NCKAP5: variants seen among roughly 807,000 people sequenced by gnomAD.
The protein encoded by NCKAP5 is NCK associated protein 5.
NCKAP5 carries 92 observed loss-of-function variants against 167.0 expected under a neutral mutation model. That is an observed-to-expected ratio of 0.55 (90% CI 0.47 to 0.66). NCKAP5 has a LOEUF of 0.66. NCKAP5 is among the 30% of genes least tolerant of loss of function. NCKAP5 has a pLI of 0.00. For missense variants in NCKAP5, 2,378 were observed against 2,315.0 expected, an observed-to-expected ratio of 1.03 and a Z score of -0.56; for synonymous variants, 891 against 877.4, an observed-to-expected ratio of 1.02 and a Z score of -0.27.
At chr2:133,409,195 TC>T in intron 3 of NCKAP5, among the ~76,000 whole-genome samples, 1 of 152,256 alleles carries the variant, frequency 6.6e-6, no homozygotes, top group East Asian at 1.9e-4. Context: ...AGACCAGATT[TC>T]CCTACACATA....
At chr2:133,309,402 T>C (rs1300447458) in intron 3 of NCKAP5, among the ~76,000 whole-genome samples, 1 of 152,180 alleles carries the variant, frequency 6.6e-6, no homozygotes, top group Non-Finnish European at 1.5e-5. Flanking sequence ...TTTGAAACAA[T>C]GAACCCCCCT....
At chr2:133,352,391 A>C (rs539227839) in intron 3 of NCKAP5, among the ~76,000 whole-genome samples, 1 of 152,364 alleles carries the variant, frequency 6.6e-6, no homozygotes, top group Admixed American at 6.5e-5. Context: ...ATGAATACAC[A>C]AAAGAATAAA....
At chr2:133,569,342 C>T (rs1036890392), upstream of NCKAP5, among the ~76,000 whole-genome samples, 4 of 152,132 alleles carry the variant, frequency 2.6e-5, no homozygotes, top group East Asian at 7.7e-4. Flanking sequence ...TGCCACGAAG[C>T]GCGAACACTC....
chr2:133,071,316 G>A (rs1430835867), intron 6 of NCKAP5, among the ~76,000 whole-genome samples: 3 of 151,760 alleles, frequency 2.0e-5, no homozygotes, highest in Non-Finnish European at 4.4e-5. Context: ...GTAGTGGCGG[G>A]CGCCTGTAGT....
intron 8 of NCKAP5, among the ~76,000 whole-genome samples, chr2:132,936,715 A>G (rs1455635105): frequency 2.0e-5 from 3 of 152,090 alleles, no homozygotes; most frequent in Non-Finnish European, 4.4e-5. Flanking sequence ...AAAGATACAC[A>G]CAAATGTGCT....
At chr2:133,378,028 G>A (rs949926586) in intron 3 of NCKAP5, among the ~76,000 whole-genome samples, 3 of 152,084 alleles carry the variant, frequency 2.0e-5, no homozygotes, top group Non-Finnish European at 2.9e-5. Flanking sequence ...ATGAACCACC[G>A]GCTTTTTGGA....
At chr2:132,977,570 CCA>C (rs2077012984) in intron 7 of NCKAP5, among the ~76,000 whole-genome samples, 1 of 152,136 alleles carries the variant, frequency 6.6e-6, no homozygotes, top group Non-Finnish European at 1.5e-5. Context: ...TCTATTCCTC[CCA>C]CCTTCTTCCA....
chr2:132,896,607 T>C (rs140927344), intron 8 of NCKAP5, among the ~76,000 whole-genome samples: 262 of 152,324 alleles, frequency 1.7e-3, no homozygotes, highest in African/African-American at 6.1e-3. Flanking sequence ...ACATGTAGAC[T>C]GAGAAGCTGG....
intron 19 of NCKAP5, among the ~76,000 whole-genome samples, chr2:132,713,706 G>C (rs1200291294): frequency 1.1e-5 from 1 of 90,958 alleles, no homozygotes; most frequent in African/African-American, 4.2e-5. Context: ...AGACAGAAAG[G>C]GCCAAACAAA....
At chr2:133,242,068 G>A (rs1296023547) in intron 4 of NCKAP5, among the ~76,000 whole-genome samples, 1 of 138,768 alleles carries the variant, frequency 7.2e-6, no homozygotes, top group African/African-American at 2.8e-5. Flanking sequence ...GCGTTGAGCC[G>A]AGATCACACT....
chr2:132,741,724 C>G (rs1446359165), intron 16 of NCKAP5, among the ~76,000 whole-genome samples: 1 of 152,094 alleles, frequency 6.6e-6, no homozygotes, highest in Non-Finnish European at 1.5e-5. Flanking sequence ...AATGTAGAAT[C>G]ACAATGGCTC....
intron 8 of NCKAP5, among the ~76,000 whole-genome samples, chr2:132,908,930 C>G (rs978041976): frequency 2.0e-5 from 3 of 152,224 alleles, no homozygotes; most frequent in African/African-American, 4.8e-5. Context: ...GATCAGCCAA[C>G]ACACATTTCT....
intron 3 of NCKAP5, among the ~76,000 whole-genome samples, chr2:133,503,200 C>T (rs1682693196): frequency 6.6e-6 from 1 of 152,184 alleles, no homozygotes; most frequent in African/African-American, 2.4e-5. Flanking sequence ...TTCATTTCTT[C>T]CTTTACTCAG....
chr2:133,193,213 T>C (rs992277529), intron 5 of NCKAP5, among the ~76,000 whole-genome samples: 8 of 151,978 alleles, frequency 5.3e-5, no homozygotes, highest in African/African-American at 1.9e-4. Flanking sequence ...GATAGAAATG[T>C]GGGAATAGAT....
intron 3 of NCKAP5, among the ~76,000 whole-genome samples, chr2:133,515,624 A>G (rs768508755): frequency 1.3e-5 from 2 of 152,266 alleles, no homozygotes; most frequent in Non-Finnish European, 2.9e-5. Flanking sequence ...GCCATATGCC[A>G]GAAAGAATGC....
intron 6 of NCKAP5, among the ~76,000 whole-genome samples, chr2:133,091,656 G>A (rs2081188599): frequency 6.6e-6 from 1 of 152,132 alleles, no homozygotes; most frequent in Admixed American, 6.5e-5. Flanking sequence ...GGGAGGCCGA[G>A]GTGGGCAGAC....
chr2:132,712,508 C>A (rs372209833), intron 19 of NCKAP5, among the ~76,000 whole-genome samples: 1 of 152,018 alleles, frequency 6.6e-6, no homozygotes. Context: ...AAAAATTAGC[C>A]GGGTGTAGAG....
Position 132,790,215 on chromosome 2 carries a change from C to T in NCKAP5, c.910-10G>A. 1 of 1,606,954 alleles carries T rather than the reference C, an allele frequency of 6.2e-7. No homozygotes were observed. On this transcript the variant is annotated splice_polypyrimidine_tract_variant and intron_variant, in intron 12 of 19. Transcript: ENST00000409261. ...TATTTAGTTGGTGTTCCTGAAAAAG[C>T]AGGACAGCTCTGAGCAAGGGCTTTG...
intron 7 of NCKAP5, among the ~76,000 whole-genome samples, chr2:132,966,440 G>T (rs2076669937): frequency 6.6e-6 from 1 of 152,118 alleles, no homozygotes; most frequent in African/African-American, 2.4e-5. Context: ...TGATGTCTTT[G>T]TCTCCTAAAC....
Sources: allele counts gnomAD v4.1 joint callset (sites outside exome capture counted in the v4.1 genomes callset), GRCh38; gene constraint gnomAD v4.1.1; transcripts MANE v1.5; gene names NCBI Gene and HGNC (gene_info 2026-07-23, HGNC 2026-07-21).